Variants in CEPT1 observed in about 807,000 individuals in gnomAD.
CEPT1 encodes the protein choline/ethanolaminephosphotransferase 1.
In CEPT1, 7 loss-of-function variants were observed where a neutral mutation model predicts 42.6. That is an observed-to-expected ratio of 0.16 (90% CI 0.09 to 0.31). CEPT1 has a LOEUF of 0.31. Ranked by LOEUF, CEPT1 falls within the 10% of genes least tolerant of loss-of-function variation. The pLI is 1.00. For synonymous variants in CEPT1, 171 were observed against 171.9 expected, an observed-to-expected ratio of 0.99 and a Z score of 0.04; for missense variants, 306 against 502.1, an observed-to-expected ratio of 0.61 and a Z score of 3.73.
intron 4 of CEPT1, among the ~76,000 whole-genome samples, chr1:111,165,044 C>CTTTTTTTT (rs11323094): frequency 1.1e-4 from 9 of 83,986 alleles, no homozygotes; most frequent in African/African-American, 2.0e-4. Context: ...AAACATCGGT[C>CTTTTTTTT]TTTTTTTTTT....
intron 4 of CEPT1, among the ~76,000 whole-genome samples, chr1:111,171,312 A>G (rs1329054291): frequency 6.6e-6 from 1 of 152,218 alleles, no homozygotes; most frequent in Non-Finnish European, 1.5e-5. Flanking sequence ...AACTGCCTTG[A>G]TCAGGGAGTT....
intron 5 of CEPT1, among the ~76,000 whole-genome samples, chr1:111,177,856 C>T (rs2101390664): frequency 6.6e-6 from 1 of 152,268 alleles, no homozygotes; most frequent in East Asian, 1.9e-4. Context: ...CTCCCCCTGC[C>T]CCTTCATCCT....
In CEPT1 at chr1:111,159,137, G is replaced by A. The variant is rs567806501; in HGVS notation, c.340-243G>A. Among the ~76,000 whole-genome samples the A allele has an allele frequency of 6.6e-4, 99 of 149,522 alleles. 2 individuals carry two copies. Among genetic ancestry groups the A allele is most frequent in the Middle Eastern group, 3.5e-3 (1 of 284 alleles). ...ACCGTTTTTTAGCCGGGATGGTCTC[G>A]ATCTCCTGACCTCGTGATCCGCCCG... On this transcript the variant is annotated intron_variant, in intron 2 of 8. Transcript: ENST00000357172.
intron 3 of CEPT1, 75 bp downstream of exon 3, chr1:111,159,602 T>A (rs759156573): frequency 9.1e-6 from 10 of 1,104,370 alleles, no homozygotes; most frequent in Non-Finnish European, 1.3e-5. Flanking sequence ...TTAGAATACA[T>A]GTTTAGTCAT....
chr1:111,178,444 G>A (rs1571155695), intron 5 of CEPT1: 2 of 148,514 alleles, frequency 1.3e-5, no homozygotes, highest in East Asian at 1.9e-4. Flanking sequence ...TATAGTTATT[G>A]TTGTTGTTGT....
At chr1:111,159,347 G>C in intron 2 of CEPT1, 33 bp from the exon 3 acceptor site, 3 of 1,592,150 alleles carry the variant, frequency 1.9e-6, no homozygotes, top group Non-Finnish European at 2.6e-6. Context: ...CTGTGTGTCT[G>C]AATACTCTTG....
upstream of CEPT1, chr1:111,140,097 G>C (rs990194353): frequency 2.6e-5 from 4 of 152,094 alleles, no homozygotes; most frequent in Admixed American, 6.5e-5. Flanking sequence ...AAAGGAGACA[G>C]GGCTGGGCCA....
chr1:111,159,689 G>A (rs958595722), intron 3 of CEPT1, 162 bp downstream of exon 3: 8 of 499,198 alleles, frequency 1.6e-5, no homozygotes, highest in South Asian at 7.0e-5. Context: ...TTCATTATTG[G>A]TAGTGTTAGG....
rs1388292250 is a variant in CEPT1, at chr1:111,165,210, G to A, written c.629+3914G>A. Among the ~76,000 whole-genome samples, 5 of 150,232 alleles carry A rather than the reference G, an allele frequency of 3.3e-5. No individual in the cohort carries two copies. In the East Asian group the frequency reaches 6.0e-4, roughly 18 times the overall value. On this transcript the variant is annotated intron_variant, in intron 4 of 8. Coordinates refer to ENST00000357172, the MANE Select transcript of CEPT1 (RefSeq NM_006090.5). ...ACTACAGGCACCCGCCACCATGCCC[G>A]GCTAATTTTTTGTATTTTTAGTAGA...
intron 4 of CEPT1, chr1:111,167,544 C>T (rs937432649): frequency 4.3e-6 from 4 of 922,510 alleles, no homozygotes; most frequent in Non-Finnish European, 5.2e-6. Context: ...CAGAATAAAG[C>T]AAGCAGAGTT....
intron 1 of CEPT1, chr1:111,143,352 C>G (rs1292056515): frequency 1.3e-5 from 2 of 152,214 alleles, no homozygotes; most frequent in Non-Finnish European, 2.9e-5. Flanking sequence ...GAAGACTTCA[C>G]CCTGTTTAAA....
intron 2 of CEPT1, among the ~76,000 whole-genome samples, chr1:111,157,008 T>A (rs2101289171): frequency 6.6e-6 from 1 of 152,312 alleles, no homozygotes. Context: ...CATGAGTTCC[T>A]TCATTCATTC....
At chr1:111,158,129 G>T (rs1194227670) in intron 2 of CEPT1, among the ~76,000 whole-genome samples, 2 of 152,166 alleles carry the variant, frequency 1.3e-5, no homozygotes, top group African/African-American at 4.8e-5. Context: ...ATCACTTGAG[G>T]TGAAGAGTTC....
At chr1:111,174,512 A>T (rs761621343) in intron 4 of CEPT1, among the ~76,000 whole-genome samples, 1 of 151,996 alleles carries the variant, frequency 6.6e-6, no homozygotes, top group Non-Finnish European at 1.5e-5. Flanking sequence ...TCAAGATTTC[A>T]TATTTTATAA....
At chr1:111,156,078 C>G (rs554319426) in intron 2 of CEPT1, among the ~76,000 whole-genome samples, 46 of 152,096 alleles carry the variant, frequency 3.0e-4, no homozygotes, top group Non-Finnish European at 6.0e-4. Context: ...TTTGCTGTAT[C>G]TTGTAGGTTT....
chr1:111,161,255 G>A lies in CEPT1; in HGVS notation c.588G>A (p.Ala196=), dbSNP rs769589248. ...CFAGTFMFYC[A]HWQTYVSGTL... ...CGGGGACATTTATGTTCTATTGTGC[G>A]CACTGGCAAACGTATGTTTCTGGAA... Residue 196 remains alanine (A), a synonymous_variant, in exon 4 of 9, where the codon GCG becomes GCA. Coordinates refer to ENST00000357172, the MANE Select transcript of CEPT1 (RefSeq NM_006090.5). 5.8e-5 allele frequency: 93 copies of A among 1,613,330 alleles called. No homozygotes were observed. Among genetic ancestry groups the A allele is most frequent in the South Asian group, 3.4e-4 (31 of 90,924 alleles).
intron 4 of CEPT1, among the ~76,000 whole-genome samples, chr1:111,172,449 CTAAA>C (rs1320894274): frequency 1.3e-5 from 2 of 152,116 alleles, no homozygotes; most frequent in Non-Finnish European, 2.9e-5. Context: ...ATTCTGTCCT[CTAAA>C]TAACTGTATT....
At chr1:111,173,142 T>C (rs1257137282) in intron 4 of CEPT1, 1 of 152,256 alleles carries the variant, frequency 6.6e-6, no homozygotes, top group Non-Finnish European at 1.5e-5. Context: ...CAAAATGTTC[T>C]AAGATGTCTA....
At chr1:111,145,047 G>A (rs954361951) in intron 1 of CEPT1, among the ~76,000 whole-genome samples, 10 of 150,826 alleles carry the variant, frequency 6.6e-5, no homozygotes, top group Non-Finnish European at 5.9e-5. Context: ...ACAGAGTCTC[G>A]CTTTGTCACT....
Sources: gnomAD v4.1 joint callset for allele counts (sites outside exome capture counted in the v4.1 genomes callset) on GRCh38, gnomAD v4.1.1 for gene constraint, MANE v1.5 for transcripts, NCBI Gene and HGNC (gene_info 2026-07-23, HGNC 2026-07-21) for gene names.